Variants in ZBTB20 observed in about 807,000 individuals in gnomAD.
The protein encoded by ZBTB20 is zinc finger and BTB domain-containing protein 20.
A neutral mutation model predicts 56.9 loss-of-function variants in ZBTB20; 9 were observed. The observed-to-expected ratio is 0.16, with a 90% confidence interval of 0.10 to 0.28. The LOEUF is 0.28. Ranked by LOEUF, ZBTB20 falls within the 10% of genes least tolerant of loss-of-function variation. ZBTB20 has a pLI of 1.00. For synonymous variants in ZBTB20, 417 were observed against 420.7 expected (o/e 0.99, Z 0.11); for missense variants, 655 against 1,003.0 (o/e 0.65, Z 4.69).
At chr3:114,558,615 T>G (rs540584816) in intron 6 of ZBTB20, among the ~76,000 whole-genome samples, 1 of 152,238 alleles carries the variant, frequency 6.6e-6, no homozygotes, top group Admixed American at 6.5e-5. Context: ...GGACATTTCT[T>G]AACTATTAAC....
chr3:114,319,955 G>A lies in ZBTB20; in HGVS notation c.*19050C>T, dbSNP rs2078835031. 6.6e-6 allele frequency: 1 copy of A among 152,130 alleles called. No individual in the cohort carries two copies. The highest frequency in any genetic ancestry group is 2.4e-5 in the African/African-American group (1 of 41,424). The allele number at this position is 152,130 out of a possible 1,614,324, so 9.4% of individuals were successfully genotyped here. A position where few individuals can be genotyped will look rare whatever the true frequency, so the allele number is the denominator to read the frequency against. On this transcript the variant is annotated 3_prime_UTR_variant, in exon 12 of 12. Transcript: ENST00000675478. ...AGGTGATGTGGAAATCCAGTGGTATGAGGAAGGCTGGGGTTATTTCCTCCA... is the reference window on the plus strand; with the variant it reads ...AGGTGATGTGGAAATCCAGTGGTATAAGGAAGGCTGGGGTTATTTCCTCCA...
intron 7 of ZBTB20, among the ~76,000 whole-genome samples, chr3:114,430,189 A>G (rs9840030): frequency 0.61 from 92,685 of 152,134 alleles, 30,577 homozygotes; most frequent in Non-Finnish European, 0.75. Flanking sequence ...CTTAAAAAGA[A>G]GAAAGGAGAA....
In ZBTB20 at chr3:114,339,163, T is replaced by C. The variant is rs779975002; in HGVS notation, c.2068A>G (p.Thr690Ala). ...CCTGGGGGTGTGCCTGCAGGGGGGG[T>C]CCCATTGCTGGCACTGTGCAGGGCC... is the stretch of plus-strand genomic sequence containing the variant. ...HVALHSASNG[T>A]PPAGTPPGAR... Residue 690 changes from threonine (T) to alanine (A), a missense_variant, in exon 12 of 12, where the codon ACC becomes GCC. Around this residue, in one of 10 missense-constraint regions of ZBTB20, gnomAD observed 89 missense variants for 79.7 expected, o/e 1.12. Coordinates refer to ENST00000675478, the MANE Select transcript of ZBTB20 (RefSeq NM_001348800.3). This position sits in a 1 kb window ranked among gnomAD's most constrained non-coding sequence, Gnocchi z 4.2. The C allele has an allele frequency of 6.2e-7, 1 of 1,613,466 alleles. No homozygotes were observed. The highest frequency in any genetic ancestry group is 1.1e-5 in the South Asian group (1 of 91,038).
intron 6 of ZBTB20, among the ~76,000 whole-genome samples, chr3:114,678,441 T>C (rs952511789): frequency 3.3e-5 from 5 of 152,150 alleles, no homozygotes; most frequent in Non-Finnish European, 7.4e-5. Context: ...CAGTCAACTA[T>C]AGGATATTGT....
At chr3:114,545,020 A>T (rs985756427) in intron 6 of ZBTB20, among the ~76,000 whole-genome samples, 7 of 152,196 alleles carry the variant, frequency 4.6e-5, no homozygotes, top group Admixed American at 6.5e-5. Context: ...TGGCTCATGA[A>T]GTTGACATAT....
At chr3:115,019,336 C>T (rs1397360892) in intron 2 of ZBTB20, among the ~76,000 whole-genome samples, 3 of 151,046 alleles carry the variant, frequency 2.0e-5, no homozygotes, top group Admixed American at 6.6e-5. Flanking sequence ...ATGAATTATA[C>T]CAAGTGAAAT....
chr3:114,592,527 A>G, intron 6 of ZBTB20, among the ~76,000 whole-genome samples: 1 of 152,238 alleles, frequency 6.6e-6, no homozygotes, highest in East Asian at 1.9e-4. Flanking sequence ...AAAAGAGACA[A>G]TGAAGGTAAA....
At chr3:114,831,877 T>A (rs1488669473) in intron 4 of ZBTB20, among the ~76,000 whole-genome samples, 2 of 152,098 alleles carry the variant, frequency 1.3e-5, no homozygotes, top group Non-Finnish European at 2.9e-5. Flanking sequence ...TAAAATGATA[T>A]GTTTTTATTC....
At chr3:115,146,679 T>A (rs2084986688) in intron 1 of ZBTB20, among the ~76,000 whole-genome samples, 1 of 152,030 alleles carries the variant, frequency 6.6e-6, no homozygotes, top group African/African-American at 2.4e-5. Context: ...TGCCCCCCAG[T>A]TCTCTGAAGA....
intron 10 of ZBTB20, among the ~76,000 whole-genome samples, chr3:114,353,136 C>T (rs1191580153): frequency 3.9e-5 from 6 of 152,140 alleles, no homozygotes; most frequent in Non-Finnish European, 7.3e-5. Flanking sequence ...AATCAGATTC[C>T]CCATTCTTGC....
At chr3:114,995,829 A>G (rs1287240484) in intron 2 of ZBTB20, among the ~76,000 whole-genome samples, 1 of 151,866 alleles carries the variant, frequency 6.6e-6, no homozygotes, top group Non-Finnish European at 1.5e-5. Context: ...AAATGAAACT[A>G]CATTGAATTA....
chr3:114,547,841 C>G (rs1338134067), intron 6 of ZBTB20, among the ~76,000 whole-genome samples: 2 of 152,126 alleles, frequency 1.3e-5, no homozygotes, highest in Non-Finnish European at 2.9e-5. Flanking sequence ...CTAGTTTAAA[C>G]TTTACTGCAA....
chr3:114,627,962 C>A (rs991176260), intron 6 of ZBTB20, among the ~76,000 whole-genome samples: 1 of 152,114 alleles, frequency 6.6e-6, no homozygotes, highest in Non-Finnish European at 1.5e-5. Context: ...ATGTTTTTGG[C>A]CTGACTGTCA....
chr3:114,549,402 A>C (rs957547625), intron 6 of ZBTB20, among the ~76,000 whole-genome samples: 1 of 152,200 alleles, frequency 6.6e-6, no homozygotes, highest in Non-Finnish European at 1.5e-5. Context: ...GATATTATCA[A>C]AGTAATAGCA....
At chr3:114,662,241 T>A (rs1456579201) in intron 6 of ZBTB20, among the ~76,000 whole-genome samples, 1 of 152,106 alleles carries the variant, frequency 6.6e-6, no homozygotes, top group Non-Finnish European at 1.5e-5. Flanking sequence ...AACTCATCAT[T>A]TTTTATGGCT....
chr3:115,076,763 T>A (rs2082611708), intron 1 of ZBTB20, among the ~76,000 whole-genome samples: 1 of 152,078 alleles, frequency 6.6e-6, no homozygotes, highest in East Asian at 1.9e-4. Context: ...GAAGAAAATA[T>A]CTACAAACCT....
intron 5 of ZBTB20, among the ~76,000 whole-genome samples, chr3:114,783,696 G>A (rs1335182678): frequency 6.6e-6 from 1 of 151,714 alleles, no homozygotes; most frequent in Non-Finnish European, 1.5e-5. Flanking sequence ...AGGAGGCTGA[G>A]GCAGAAGAAT....
At chr3:114,523,619 G>T (rs2046887962) in intron 6 of ZBTB20, among the ~76,000 whole-genome samples, 1 of 152,186 alleles carries the variant, frequency 6.6e-6, no homozygotes, top group Non-Finnish European at 1.5e-5. Flanking sequence ...GGGATGGGCT[G>T]AGCCAAGGGT....
intron 5 of ZBTB20, among the ~76,000 whole-genome samples, chr3:114,696,715 G>A (rs1317361543): frequency 6.6e-6 from 1 of 151,972 alleles, no homozygotes; most frequent in Non-Finnish European, 1.5e-5. Flanking sequence ...AAATCTCACT[G>A]TGCTCCCACT....
Sources: gnomAD v4.1 joint callset for allele counts (sites outside exome capture counted in the v4.1 genomes callset) on GRCh38, gnomAD v4.1.1 for gene constraint, gnomAD v4.1.1 regional missense constraint, Gnocchi (gnomAD v3.1) non-coding constraint, MANE v1.5 for transcripts, NCBI Gene and HGNC (gene_info 2026-07-23, HGNC 2026-07-21) for gene names.